The following TTLL7 variants were observed in gnomAD, a reference collection of about 807,000 sequenced individuals.
The protein encoded by TTLL7 is tubulin tyrosine ligase like 7.
In TTLL7, 53 loss-of-function variants were observed where a neutral mutation model predicts 120.2. That is an observed-to-expected ratio of 0.44 (90% CI 0.35 to 0.55). The LOEUF (loss-of-function observed/expected upper bound fraction) is 0.55, where lower values mean the gene tolerates loss of function less well. Among genes scored for constraint, TTLL7 ranks in the 20% least tolerant of loss-of-function variants. The pLI, the probability that TTLL7 is intolerant of heterozygous loss-of-function variation, is 0.00. For missense variants in TTLL7, 803 were observed against 1,054.7 expected (o/e 0.76, Z 3.31); for synonymous variants, 353 against 351.7 (o/e 1.00, Z -0.04).
At chr1:83,876,728 TAAAG>T in intron 20 of TTLL7, among the ~76,000 whole-genome samples, 1 of 151,998 alleles carries the variant, frequency 6.6e-6, no homozygotes, top group East Asian at 1.9e-4. Flanking sequence ...TTGTTGTTGA[TAAAG>T]AAAAGTGTAA....
intron 1 of TTLL7, among the ~76,000 whole-genome samples, chr1:83,985,153 G>A (rs1652326654): frequency 6.6e-6 from 1 of 152,128 alleles, no homozygotes; most frequent in Admixed American, 6.5e-5. Context: ...AGCTGGTAGT[G>A]GCTCAGTCTG....
chr1:83,995,758 T>A (rs1653421003), intron 1 of TTLL7, among the ~76,000 whole-genome samples: 1 of 152,022 alleles, frequency 6.6e-6, no homozygotes, highest in African/African-American at 2.4e-5. Context: ...TGAGACTCTA[T>A]GCAAAGGAAC....
intron 18 of TTLL7, among the ~76,000 whole-genome samples, chr1:83,896,175 C>A (rs1038377982): frequency 1.3e-5 from 2 of 151,954 alleles, no homozygotes; most frequent in East Asian, 3.9e-4. Context: ...CAGCAAGGTG[C>A]CCTTGTGTTA....
intron 18 of TTLL7, among the ~76,000 whole-genome samples, chr1:83,892,934 G>GA (rs1204984230): frequency 0.034 from 3,799 of 113,366 alleles, 129 homozygotes; most frequent in Middle Eastern, 0.073. Context: ...AAAAGAGAAA[G>GA]AAAGAAAGAA....
intron 1 of TTLL7, among the ~76,000 whole-genome samples, chr1:83,960,774 T>G (rs1028587454): frequency 2.6e-5 from 4 of 152,128 alleles, no homozygotes; most frequent in African/African-American, 9.7e-5. Flanking sequence ...ACAATAGGTT[T>G]CAAAATGCAC....
At chr1:83,903,035 A>G (rs1656860105) in intron 18 of TTLL7, among the ~76,000 whole-genome samples, 1 of 151,888 alleles carries the variant, frequency 6.6e-6, no homozygotes, top group African/African-American at 2.4e-5. Context: ...TATTCTTCAC[A>G]AGTAGTTCTC....
chr1:83,890,257 T>A, intron 19 of TTLL7, 64 bp downstream of exon 19: 2 of 1,458,684 alleles, frequency 1.4e-6, no homozygotes, highest in Non-Finnish European at 9.2e-7. Context: ...TTTATTAGGA[T>A]ATCTCTATAA....
At chr1:83,990,468 C>T (rs1299395320) in intron 1 of TTLL7, among the ~76,000 whole-genome samples, 1 of 152,240 alleles carries the variant, frequency 6.6e-6, no homozygotes, top group Non-Finnish European at 1.5e-5. Flanking sequence ...AGCCACCGCG[C>T]CCGGCCTGGA....
intron 10 of TTLL7, 34 bp downstream of exon 10, chr1:83,929,102 G>A: frequency 7.1e-7 from 1 of 1,406,710 alleles, no homozygotes; most frequent in Non-Finnish European, 9.9e-7. Flanking sequence ...CAAATGTGGA[G>A]ATAAATGTCC....
chr1:83,998,820 G>C, intron 1 of TTLL7, 111 bp downstream of exon 1: 1 of 323,148 alleles, frequency 3.1e-6, no homozygotes, highest in Non-Finnish European at 6.1e-6. Context: ...GGTGTCCCCA[G>C]AGCAGTGACA....
rs116166013 is a variant in TTLL7 at position 83,987,012 on chromosome 1, A to C, written c.-177+11919T>G. ...ATGACATGATTGTCTACATTTAAAA[A>C]AAACCCTCAAAGTGAAGAACACAAG... On this transcript the variant is annotated intron_variant, in intron 1 of 20. Coordinates refer to ENST00000260505, the MANE Select transcript of TTLL7 (RefSeq NM_024686.6). 3.0e-3 allele frequency among the ~76,000 whole-genome samples: 460 copies of C among 152,234 alleles called. 2 individuals carry two copies. The highest frequency in any genetic ancestry group is 0.01 in the African/African-American group (426 of 41,534).
chr1:83,968,062 C>T (rs12730621), intron 1 of TTLL7, among the ~76,000 whole-genome samples: 1 of 151,786 alleles, frequency 6.6e-6, no homozygotes, highest in Non-Finnish European at 1.5e-5. Context: ...AGTTCTACCA[C>T]AGTTGGCAAG....
rs370118118 is a variant in TTLL7, at chr1:83,907,497, G to C, written c.1951C>G (p.Leu651Val). The stretch of plus-strand genomic sequence containing the variant: ...GAGCAGGCATCATTACTGTGAGGCA[G>C]ATGCCTCATGTAGGAGGAAGCACGG... ...LNRASSYMRH[L>V]PHSNDACSTN... The change falls in exon 16 of 21, where the codon CTG (leucine) becomes GTG (valine). Residue 651 changes from leucine to valine, a missense_variant. Transcript: ENST00000260505. 126 of 1,612,950 alleles carry C rather than the reference G, an allele frequency of 7.8e-5. No individual in the cohort carries two copies. Among genetic ancestry groups the C allele is most frequent in the Non-Finnish European group, 1.0e-4 (120 of 1,179,336 alleles).
chr1:83,985,980 A>C lies in TTLL7; in HGVS notation c.-177+12951T>G, dbSNP rs484716. Among the ~76,000 whole-genome samples, 1,122 of 151,688 alleles carry C rather than the reference A, an allele frequency of 7.4e-3. 13 individuals carry two copies. The highest frequency in any genetic ancestry group is 0.025 in the African/African-American group (1,037 of 41,026). On this transcript the variant is annotated intron_variant, in intron 1 of 20. Transcript: ENST00000260505. ...GTGGTTTTATTATGGGATTTTGCCA[A>C]ACACTCAATGAAGAATTAACACCAT...
intron 18 of TTLL7, among the ~76,000 whole-genome samples, chr1:83,893,298 C>T (rs1379645673): frequency 4.6e-5 from 7 of 151,710 alleles, no homozygotes; most frequent in Non-Finnish European, 1.0e-4. Flanking sequence ...TTTGTAAACC[C>T]CAAAAAACTG....
At chr1:83,932,937 G>A (rs999332032) in intron 9 of TTLL7, among the ~76,000 whole-genome samples, 2 of 151,676 alleles carry the variant, frequency 1.3e-5, no homozygotes, top group Non-Finnish European at 2.9e-5. Context: ...AATATAACTA[G>A]CAGGAAAAAA....
chr1:83,922,901 A>T (rs1197711859), intron 10 of TTLL7, among the ~76,000 whole-genome samples: 8 of 150,822 alleles, frequency 5.3e-5, no homozygotes, highest in Non-Finnish European at 1.2e-4. Flanking sequence ...GGAACAGGGG[A>T]GCAACAAAGG....
At chr1:83,889,081 G>C (rs1188238654) in intron 19 of TTLL7, among the ~76,000 whole-genome samples, 1 of 152,054 alleles carries the variant, frequency 6.6e-6, no homozygotes, top group Non-Finnish European at 1.5e-5. Flanking sequence ...AAAGGAAAGA[G>C]GTTTAATTGA....
intron 17 of TTLL7, among the ~76,000 whole-genome samples, chr1:83,905,353 A>C (rs1657094956): frequency 6.6e-6 from 1 of 151,732 alleles, no homozygotes; most frequent in Non-Finnish European, 1.5e-5. Flanking sequence ...AATTCTAGTT[A>C]TGGGTGTTTT....
Sources: gnomAD v4.1 joint callset for allele counts (sites outside exome capture counted in the v4.1 genomes callset) on GRCh38, gnomAD v4.1.1 for gene constraint, MANE v1.5 for transcripts, NCBI Gene and HGNC (gene_info 2026-07-23, HGNC 2026-07-21) for gene names.